The following GRM8 variants were observed in gnomAD, a reference collection of about 807,000 sequenced individuals.
The protein encoded by GRM8 is metabotropic glutamate receptor 8.
In GRM8, 47 loss-of-function variants were observed where a neutral mutation model predicts 87.2. That is an observed-to-expected ratio of 0.54 (90% CI 0.43 to 0.69). The LOEUF (loss-of-function observed/expected upper bound fraction) is 0.69. Among genes scored for constraint, GRM8 ranks in the 30% least tolerant of loss-of-function variants. GRM8 has a pLI of 0.00. For missense variants in GRM8, 1,019 were observed against 1,139.2 expected, an observed-to-expected ratio of 0.89 and a Z score of 1.52; for synonymous variants, 396 against 404.5, an observed-to-expected ratio of 0.98 and a Z score of 0.25.
intron 8 of GRM8, among the ~76,000 whole-genome samples, chr7:126,571,916 A>G (rs1794724041): frequency 6.6e-6 from 1 of 151,632 alleles, no homozygotes; most frequent in Non-Finnish European, 1.5e-5. Flanking sequence ...AATTTTTTCT[A>G]TCTTTAGTAC....
At chr7:127,128,774 G>A (rs1827518681) in intron 2 of GRM8, among the ~76,000 whole-genome samples, 1 of 152,020 alleles carries the variant, frequency 6.6e-6, no homozygotes, top group South Asian at 2.1e-4. Context: ...ATACTATATA[G>A]TTTCCCTAGG....
At chr7:126,937,742 G>A (rs1806486392) in intron 3 of GRM8, among the ~76,000 whole-genome samples, 2 of 152,210 alleles carry the variant, frequency 1.3e-5, no homozygotes, top group African/African-American at 2.4e-5. Context: ...CCCTTTCCAA[G>A]TAGGGATTTC....
intron 7 of GRM8, among the ~76,000 whole-genome samples, chr7:126,747,109 A>G (rs558280392): frequency 6.6e-6 from 1 of 152,008 alleles, no homozygotes; most frequent in East Asian, 1.9e-4. Flanking sequence ...CACTATTTTC[A>G]ACATAACATA....
intron 7 of GRM8, among the ~76,000 whole-genome samples, chr7:126,700,341 C>A (rs1809796927): frequency 6.6e-6 from 1 of 152,042 alleles, no homozygotes; most frequent in Non-Finnish European, 1.5e-5. Flanking sequence ...CTGAAGACTG[C>A]AACAGATTTG....
intron 2 of GRM8, among the ~76,000 whole-genome samples, chr7:127,230,556 C>A (rs1287143550): frequency 6.6e-6 from 1 of 152,082 alleles, no homozygotes; most frequent in African/African-American, 2.4e-5. Context: ...ATGTGTATCC[C>A]CCACCAGAAT....
At chr7:126,530,605 G>C (rs1814644365) in intron 9 of GRM8, among the ~76,000 whole-genome samples, 1 of 152,212 alleles carries the variant, frequency 6.6e-6, no homozygotes, top group African/African-American at 2.4e-5. Flanking sequence ...GTGCTAGCTA[G>C]CTGTAGTAAA....
intron 2 of GRM8, 115 bp downstream of exon 2, chr7:127,242,580 C>A (rs17866131): frequency 1.3e-5 from 13 of 975,234 alleles, no homozygotes; most frequent in Non-Finnish European, 1.7e-5. Flanking sequence ...CCTGGTAACA[C>A]CAAAAGGGTC....
chr7:126,668,512 G>T (rs917398732), intron 7 of GRM8, among the ~76,000 whole-genome samples: 3 of 151,828 alleles, frequency 2.0e-5, no homozygotes, highest in Non-Finnish European at 4.4e-5. Context: ...GTGAGCAGCA[G>T]CTCCCCACCG....
chr7:127,172,198 ATTTCT>A (rs1349664822), intron 2 of GRM8, among the ~76,000 whole-genome samples: 18 of 152,206 alleles, frequency 1.2e-4, no homozygotes, highest in Admixed American at 1.2e-3. Flanking sequence ...TAAAATTGAT[ATTTCT>A]TTTGTTATTC....
chr7:126,613,819 G>A (rs991174142), intron 7 of GRM8, among the ~76,000 whole-genome samples: 11 of 152,200 alleles, frequency 7.2e-5, no homozygotes, highest in Admixed American at 3.9e-4. Context: ...AGGCAGCAGC[G>A]AGGCTGGGGG....
At chr7:126,865,040 G>A (rs1017335590) in intron 6 of GRM8, among the ~76,000 whole-genome samples, 1 of 152,198 alleles carries the variant, frequency 6.6e-6, no homozygotes, top group African/African-American at 2.4e-5. Context: ...AGGCTGTGGA[G>A]ACTTTTTAGT....
intron 3 of GRM8, among the ~76,000 whole-genome samples, chr7:126,992,973 A>G (rs544220270): frequency 2.2e-4 from 34 of 152,246 alleles, no homozygotes; most frequent in South Asian, 1.9e-3. Flanking sequence ...CAACATCCGT[A>G]ACTATGAGAA....
At chr7:127,015,164 G>A (rs1161959860) in intron 3 of GRM8, among the ~76,000 whole-genome samples, 1 of 46,848 alleles carries the variant, frequency 2.1e-5, no homozygotes, top group Non-Finnish European at 4.0e-5. Flanking sequence ...GAAGGAGAAG[G>A]AGAAGGAGAA....
intron 7 of GRM8, among the ~76,000 whole-genome samples, chr7:126,632,172 A>G (rs959496354): frequency 2.0e-5 from 3 of 152,206 alleles, no homozygotes; most frequent in Admixed American, 6.5e-5. Context: ...AAGAAACTTA[A>G]GCAAATTTAT....
chr7:127,091,875 A>C (rs1586975628), intron 3 of GRM8, among the ~76,000 whole-genome samples: 4 of 16,174 alleles, frequency 2.5e-4, no homozygotes, highest in African/African-American at 5.4e-4. Flanking sequence ...CCGCCGGCCC[A>C]CTCATCATTC....
intron 3 of GRM8, among the ~76,000 whole-genome samples, chr7:126,994,645 G>T (rs1251164616): frequency 6.6e-6 from 1 of 152,104 alleles, no homozygotes; most frequent in Admixed American, 6.5e-5. Context: ...AACAGGGAAA[G>T]GCTTCTCTGC....
intron 3 of GRM8, among the ~76,000 whole-genome samples, chr7:126,967,389 A>C (rs1455764516): frequency 6.6e-6 from 1 of 152,188 alleles, no homozygotes; most frequent in Non-Finnish European, 1.5e-5. Context: ...ACTTCCTCCT[A>C]TGACTCACAT....
chr7:126,727,323 A>G (rs1197660105), intron 7 of GRM8, among the ~76,000 whole-genome samples: 2 of 152,056 alleles, frequency 1.3e-5, no homozygotes, highest in East Asian at 1.9e-4. Context: ...TAATACATGA[A>G]ATCTGTATAT....
intron 8 of GRM8, among the ~76,000 whole-genome samples, chr7:126,559,684 C>A (rs906462328): frequency 1.3e-5 from 2 of 152,096 alleles, no homozygotes; most frequent in Non-Finnish European, 2.9e-5. Flanking sequence ...AGAATCAGAA[C>A]TAAAAAATGC....
Sources: gnomAD v4.1 joint callset for allele counts (sites outside exome capture counted in the v4.1 genomes callset) on GRCh38, gnomAD v4.1.1 for gene constraint, MANE v1.5 for transcripts, NCBI Gene and HGNC (gene_info 2026-07-23, HGNC 2026-07-21) for gene names.